Variants in PARD3B observed in about 807,000 individuals in gnomAD.
The protein encoded by PARD3B is partitioning defective 3 homolog B.
A neutral mutation model predicts 130.2 loss-of-function variants in PARD3B; 103 were observed. That is an observed-to-expected ratio of 0.79 (90% CI 0.67 to 0.93). PARD3B has a LOEUF of 0.93. Ranked by LOEUF, PARD3B falls within the 40% of genes least tolerant of loss-of-function variation. PARD3B has a pLI of 0.00. For synonymous variants in PARD3B, 583 were observed against 553.2 expected (o/e 1.05, Z -0.76); for missense variants, 1,609 against 1,499.2 (o/e 1.07, Z -1.21).
chr2:205,568,438 G>T lies in PARD3B; in HGVS notation c.3260+15035G>T, dbSNP rs1215673146. ...TATGCAATACATCAAAATGATGTAAGGTCTTTGACAAGTTCATTTTCTGTC... is the reference window on the plus strand; with the variant it reads ...TATGCAATACATCAAAATGATGTAATGTCTTTGACAAGTTCATTTTCTGTC... On this transcript the variant is annotated intron_variant, in intron 22 of 22. Transcript: ENST00000406610. This position sits in a 1 kb window ranked among gnomAD's most constrained non-coding sequence, Gnocchi z 5.3. Among the ~76,000 whole-genome samples, 1 of 152,182 alleles carries T rather than the reference G, an allele frequency of 6.6e-6. No homozygotes were observed. The highest frequency in any genetic ancestry group is 1.5e-5 in the Non-Finnish European group (1 of 68,032).
intron 1 of PARD3B, among the ~76,000 whole-genome samples, chr2:204,586,475 G>A (rs931605819): frequency 2.6e-5 from 4 of 152,166 alleles, no homozygotes; most frequent in East Asian, 1.9e-4. Flanking sequence ...AAATGTTGCC[G>A]AAGGCTACCA....
intron 1 of PARD3B, among the ~76,000 whole-genome samples, chr2:204,596,655 G>A (rs189911322): frequency 5.9e-5 from 9 of 152,250 alleles, no homozygotes; most frequent in Admixed American, 5.2e-4. Context: ...TTGGCCAGGC[G>A]CGGTGGCTCA....
intron 2 of PARD3B, among the ~76,000 whole-genome samples, chr2:204,715,628 T>C (rs1421442681): frequency 3.3e-5 from 5 of 152,154 alleles, no homozygotes; most frequent in Non-Finnish European, 5.9e-5. Context: ...TTAGTCATAT[T>C]CCTCTGTTTG....
intron 3 of PARD3B, among the ~76,000 whole-genome samples, chr2:205,022,255 C>T (rs931522099): frequency 1.3e-5 from 2 of 152,184 alleles, no homozygotes; most frequent in Non-Finnish European, 2.9e-5. Context: ...CTTCTCTAAT[C>T]ATTCCAATTT....
rs189026868 is a variant in PARD3B, at chr2:205,437,019, G to T, written c.2742-3351G>T. Among the ~76,000 whole-genome samples, 5 of 151,910 alleles carry T rather than the reference G, an allele frequency of 3.3e-5. No individual in the cohort carries two copies. In the East Asian group the frequency reaches 9.7e-4, roughly 29 times the overall value. On this transcript the variant is annotated intron_variant, in intron 19 of 22. Transcript: ENST00000406610. ...CAAAGAATTACCGTACAATTCCAGG[G>T]TCCTATTCCTATCCTTAGACTATAT...
chr2:205,496,935 T>C (rs1339437482), intron 20 of PARD3B, among the ~76,000 whole-genome samples: 1 of 151,910 alleles, frequency 6.6e-6, no homozygotes, highest in Non-Finnish European at 1.5e-5. Context: ...ACTCATCTGG[T>C]GAGTTTGAAC....
chr2:204,583,626 A>G (rs1428449899), intron 1 of PARD3B, among the ~76,000 whole-genome samples: 5 of 145,378 alleles, frequency 3.4e-5, no homozygotes, highest in African/African-American at 1.3e-4. Context: ...AAAGTATAAA[A>G]AAAAAAAAAA....
chr2:205,304,560 G>A (rs1311650246), intron 18 of PARD3B, among the ~76,000 whole-genome samples: 1 of 151,794 alleles, frequency 6.6e-6, no homozygotes, highest in Non-Finnish European at 1.5e-5. Flanking sequence ...GCTTGAACCT[G>A]GGAGGCAGAG....
intron 15 of PARD3B, among the ~76,000 whole-genome samples, chr2:205,211,594 A>G (rs905794605): frequency 1.3e-5 from 2 of 152,256 alleles, no homozygotes; most frequent in Non-Finnish European, 2.9e-5. Context: ...TAACACTACA[A>G]ATTGTGGAAA....
In PARD3B at chr2:205,162,907, G is replaced by C. The variant is rs751561575; in HGVS notation, c.1620+4000G>C. The stretch of plus-strand genomic sequence containing the variant: ...ACATTTTAAATTCATTTTGAGATCA[G>C]TGGTTTTTCTTTGCTTTGCTTTTCA... On this transcript the variant is annotated intron_variant, in intron 11 of 22. Coordinates refer to ENST00000406610, the MANE Select transcript of PARD3B (RefSeq NM_001302769.2). 3.3e-5 allele frequency among the ~76,000 whole-genome samples: 5 copies of C among 152,148 alleles called. No individual in the cohort carries two copies. In the South Asian group the frequency reaches 6.2e-4, roughly 19 times the overall value.
intron 21 of PARD3B, among the ~76,000 whole-genome samples, chr2:205,523,762 G>T (rs1044844258): frequency 6.7e-6 from 1 of 148,444 alleles, no homozygotes; most frequent in South Asian, 2.1e-4. Flanking sequence ...GTCCTTCCTT[G>T]CTATGACAGC....
intron 1 of PARD3B, among the ~76,000 whole-genome samples, chr2:204,592,445 A>G (rs899644850): frequency 3.3e-5 from 5 of 152,264 alleles, no homozygotes; most frequent in African/African-American, 1.2e-4. Context: ...TTTTAATAAC[A>G]ATTGTGTTTT....
intron 21 of PARD3B, among the ~76,000 whole-genome samples, chr2:205,546,417 A>C (rs2052382491): frequency 6.6e-6 from 1 of 152,178 alleles, no homozygotes. Context: ...AAAAGAAAAA[A>C]AAAACCTGCA....
At chr2:204,924,982 TATATGCATATACATGTATAC>T (rs1250251673) in intron 2 of PARD3B, among the ~76,000 whole-genome samples, 3 of 151,962 alleles carry the variant, frequency 2.0e-5, no homozygotes, top group African/African-American at 7.3e-5. Context: ...CAATCTGATA[TATATGCATATACATGTATAC>T]ATATGCATAT....
chr2:204,647,005 C>T (rs2035298728), intron 1 of PARD3B, among the ~76,000 whole-genome samples: 1 of 151,856 alleles, frequency 6.6e-6, no homozygotes, highest in African/African-American at 2.4e-5. Context: ...ACACATAAGA[C>T]CAACCTGGGA....
At chr2:204,742,244 G>T (rs144679364) in intron 2 of PARD3B, among the ~76,000 whole-genome samples, 1 of 152,026 alleles carries the variant, frequency 6.6e-6, no homozygotes, top group East Asian at 1.9e-4. Flanking sequence ...AACATTATAC[G>T]TATATGTATA....
intron 4 of PARD3B, among the ~76,000 whole-genome samples, chr2:205,073,048 A>G (rs1419093390): frequency 6.6e-6 from 1 of 152,172 alleles, no homozygotes; most frequent in Non-Finnish European, 1.5e-5. Context: ...TTTAAACGGT[A>G]TCCATGAAAT....
At chr2:204,976,494 A>G (rs1441130887) in intron 3 of PARD3B, among the ~76,000 whole-genome samples, 1 of 152,174 alleles carries the variant, frequency 6.6e-6, no homozygotes, top group Non-Finnish European at 1.5e-5. Flanking sequence ...ACTGTCTGCC[A>G]CATAATAGGT....
rs376303989 is a variant in PARD3B, at chr2:205,011,795, G to GT, written c.395-35774dup. Among the ~76,000 whole-genome samples the GT allele has an allele frequency of 7.8e-3, 1,128 of 145,214 alleles. 7 individuals carry two copies. Among genetic ancestry groups the GT allele is most frequent in the African/African-American group, 0.023 (921 of 39,940 alleles). ...ATTTGACTCTTCCTTAGTTTTCTGGGTTTTTTTTTTTTACAACCATGCATC... is the reference window on the plus strand; with the variant it reads ...ATTTGACTCTTCCTTAGTTTTCTGGGTTTTTTTTTTTTTACAACCATGCATC... On this transcript the variant is annotated intron_variant, in intron 3 of 22. Transcript: ENST00000406610. This position sits in a 1 kb window ranked among gnomAD's most constrained non-coding sequence, Gnocchi z 4.1.
Sources: allele counts gnomAD v4.1 joint callset (sites outside exome capture counted in the v4.1 genomes callset), GRCh38; gene constraint gnomAD v4.1.1; non-coding constraint Gnocchi (gnomAD v3.1); transcripts MANE v1.5; gene names NCBI Gene and HGNC (gene_info 2026-07-23, HGNC 2026-07-21).